Variants in REL observed in about 807,000 individuals in gnomAD.
REL encodes REL proto-oncogene, NF-kB subunit, also known as proto-oncogene c-Rel.
Under a neutral mutation model 45.9 loss-of-function variants are expected in REL, and 15 were observed. That is an observed-to-expected ratio of 0.33 (90% CI 0.22 to 0.50). REL has a LOEUF of 0.50. Ranked by LOEUF, REL falls within the 20% of genes least tolerant of loss-of-function variation. The pLI is 0.98. For synonymous variants in REL, 239 were observed against 242.1 expected, an observed-to-expected ratio of 0.99 and a Z score of 0.12; for missense variants, 601 against 715.2, an observed-to-expected ratio of 0.84 and a Z score of 1.82.
At chr2:60,919,250 T>C (rs987995835) in intron 7 of REL, among the ~76,000 whole-genome samples, 1 of 152,128 alleles carries the variant, frequency 6.6e-6, no homozygotes, top group Non-Finnish European at 1.5e-5. Context: ...TTGGGTTTTT[T>C]TTGAGACAGG....
At position 60,922,495 on chromosome 2, in the gene REL, A is replaced by C. The variant is rs1286376825; in HGVS notation, c.1724A>C (p.Gln575Pro). Reference protein sequence around the residue: ...YSGIGSMQNEQLSDSFPYEFF... With the variant: ...YSGIGSMQNEPLSDSFPYEFF... ...GGTATTGGCAGTATGCAAAATGAGC[A>C]ATTGAGTGACTCCTTTCCATATGAA... Residue 575 changes from glutamine to proline, a missense_variant, in exon 10 of 10, where the codon CAA (glutamine) becomes CCA (proline). Physicochemically the swap from Gln to Pro is moderately conservative, Grantham distance 76. Transcript: ENST00000394479. 6.2e-7 allele frequency: 1 copy of C among 1,610,578 alleles called. No individual in the cohort carries two copies.
chr2:60,895,683 G>A (rs759101936), intron 3 of REL, among the ~76,000 whole-genome samples: 3 of 152,208 alleles, frequency 2.0e-5, no homozygotes, highest in Non-Finnish European at 2.9e-5. Context: ...TAATAAAGAC[G>A]TCTGGTAGGC....
chr2:60,891,282 G>A (rs1431968383), intron 1 of REL, among the ~76,000 whole-genome samples: 3 of 152,114 alleles, frequency 2.0e-5, no homozygotes, highest in Non-Finnish European at 2.9e-5. Flanking sequence ...CTCACTTTAG[G>A]AGTGTGATAT....
chr2:60,924,726 C>T lies in REL; in HGVS notation c.*2191C>T, dbSNP rs1674229004. 1 of 210,386 alleles carries T rather than the reference C, an allele frequency of 4.8e-6. No homozygotes were observed. The highest frequency in any genetic ancestry group is 9.7e-6 in the Non-Finnish European group (1 of 103,614). The allele number at this position is 210,386 out of a possible 1,614,324, so 13.0% of individuals were successfully genotyped here. A position where few individuals can be genotyped will look rare whatever the true frequency, so the allele number is the denominator to read the frequency against. Reference sequence around the variant, plus strand: ...TCCAGATTGAGTAACACTTATAACACATTTCCTTTTCAAAGTGCAAGATTT... The same window carrying T: ...TCCAGATTGAGTAACACTTATAACATATTTCCTTTTCAAAGTGCAAGATTT... On this transcript the variant is annotated 3_prime_UTR_variant, in exon 10 of 10. Coordinates refer to ENST00000394479, the MANE Select transcript of REL (RefSeq NM_001291746.2).
chr2:60,928,228 C>T lies in REL; in HGVS notation c.*5693C>T, dbSNP rs1261298690. 3.1e-5 allele frequency: 5 copies of T among 163,306 alleles called. No homozygotes were observed. Among genetic ancestry groups the T allele is most frequent in the South Asian group, 4.1e-4 (2 of 4,920 alleles). 10.1% of individuals were successfully genotyped at this position (163,306 alleles called of 1,614,324 possible). On this transcript the variant is annotated 3_prime_UTR_variant, in exon 10 of 10. Transcript: ENST00000394479. ...GCTCATGGGTAGGAAGAATCAATATCGTGAAAATGGCCATACTGCCCAAGG... is the reference window on the plus strand; with the variant it reads ...GCTCATGGGTAGGAAGAATCAATATTGTGAAAATGGCCATACTGCCCAAGG...
At chr2:60,906,113 C>T (rs976995858) in intron 4 of REL, among the ~76,000 whole-genome samples, 3 of 152,162 alleles carry the variant, frequency 2.0e-5, no homozygotes, top group African/African-American at 7.2e-5. Flanking sequence ...CCTGATAAAA[C>T]CATCATATCT....
At chr2:60,882,124 A>G (rs1281934653) in intron 1 of REL, among the ~76,000 whole-genome samples, 1 of 152,212 alleles carries the variant, frequency 6.6e-6, no homozygotes, top group Non-Finnish European at 1.5e-5. Flanking sequence ...TCATAAGCGA[A>G]CCAAAGGAGG....
chr2:60,895,582 A>G (rs1673328096), intron 3 of REL, among the ~76,000 whole-genome samples: 1 of 152,344 alleles, frequency 6.6e-6, no homozygotes, highest in East Asian at 1.9e-4. Context: ...TTAACATACA[A>G]CAATAGTTCT....
intron 4 of REL, among the ~76,000 whole-genome samples, chr2:60,912,974 C>T (rs1436073957): frequency 6.6e-6 from 1 of 151,914 alleles, no homozygotes; most frequent in Non-Finnish European, 1.5e-5. Context: ...AGTGAATCAA[C>T]ATTTTAAAAA....
At chr2:60,888,899 T>G (rs2103921218) in intron 1 of REL, among the ~76,000 whole-genome samples, 1 of 152,330 alleles carries the variant, frequency 6.6e-6, no homozygotes, top group Non-Finnish European at 1.5e-5. Flanking sequence ...CTGCCATATA[T>G]CAGAGATACC....
Position 60,881,814 on chromosome 2 carries a change from C to T in REL, c.-27C>T. The T allele has an allele frequency of 6.6e-7, 1 of 1,526,688 alleles. No individual in the cohort carries two copies. The highest frequency in any genetic ancestry group is 2.6e-5 in the East Asian group (1 of 38,034). The allele number at this position is 1,526,688 out of a possible 1,614,324, so 94.6% of individuals were successfully genotyped here. ...CTCCGGCCAGGACGCTGGGAGCTGC[C>T]TGCGGGAAGGTGCGGGGAGCGGAGC... is the stretch of plus-strand genomic sequence containing the variant. On this transcript the variant is annotated 5_prime_UTR_variant, in exon 1 of 10. Transcript: ENST00000394479.
chr2:60,896,269 A>T (rs561035324), intron 3 of REL, among the ~76,000 whole-genome samples: 1 of 152,292 alleles, frequency 6.6e-6, no homozygotes, highest in South Asian at 2.1e-4. Context: ...TCAGCCTCCC[A>T]AAGTGCTGGG....
intron 3 of REL, 64 bp downstream of exon 3, chr2:60,894,609 C>G: frequency 8.1e-7 from 1 of 1,227,644 alleles, no homozygotes; most frequent in Admixed American, 2.7e-5. Flanking sequence ...TGTTTCTTCT[C>G]CATGACAATC....
At chr2:60,901,136 TC>T in intron 4 of REL, 53 bp downstream of exon 4, 1 of 1,427,672 alleles carries the variant, frequency 7.0e-7, no homozygotes, top group Non-Finnish European at 9.2e-7. Flanking sequence ...GATTTCTGTT[TC>T]TTTTTTCTTT....
At chr2:60,906,913 A>ATATTTT (rs1311506982) in intron 4 of REL, among the ~76,000 whole-genome samples, 3 of 104,304 alleles carry the variant, frequency 2.9e-5, no homozygotes, top group Admixed American at 1.2e-4. Flanking sequence ...ATATATATAT[A>ATATTTT]TTTTTTTTTT....
rs1674345427 is a variant in REL, at chr2:60,929,681, AG to A, written c.*7152del. On this transcript the variant is annotated 3_prime_UTR_variant, in exon 10 of 10. Coordinates refer to ENST00000394479, the MANE Select transcript of REL (RefSeq NM_001291746.2). Reference sequence around the variant, plus strand: ...CTGGGGACTGTTGTGGGGTGGGGGGAGGGGGGAGGGATAGCATTGGGAGATA... The same window carrying A: ...CTGGGGACTGTTGTGGGGTGGGGGGAGGGGGAGGGATAGCATTGGGAGATA... 3.0e-5 allele frequency: 2 copies of A among 67,332 alleles called. No individual in the cohort carries two copies. The highest frequency in any genetic ancestry group is 6.1e-5 in the African/African-American group (1 of 16,398). 4.2% of individuals were successfully genotyped at this position (67,332 alleles called of 1,614,324 possible).
At position 60,922,388 on chromosome 2, in the gene REL, T is replaced by C. The variant is rs1017044900; in HGVS notation, c.1617T>C (p.Asp539=). The change falls in exon 10 of 10, where the codon GAT becomes GAC. Residue 539 remains aspartate (D), a synonymous_variant. Transcript: ENST00000394479. ...AGGGATCTGACTTCAGTTGTGCAGA[T>C]AACAGCATGATAAATGAGTCGGGAC... ...AFEGSDFSCA[D]NSMINESGPS... The C allele has an allele frequency of 6.2e-7, 1 of 1,614,128 alleles. No individual in the cohort carries two copies. Among genetic ancestry groups the C allele is most frequent in the Admixed American group, 1.7e-5 (1 of 60,022 alleles).
chr2:60,913,583 C>A (rs1042596419), intron 4 of REL, among the ~76,000 whole-genome samples: 2 of 152,180 alleles, frequency 1.3e-5, no homozygotes, highest in Non-Finnish European at 2.9e-5. Context: ...GATCCCACAT[C>A]CTTGGCAAAC....
At chr2:60,891,946 T>G in intron 2 of REL, 121 bp downstream of exon 2, 3 of 1,032,340 alleles carry the variant, frequency 2.9e-6, no homozygotes, top group Non-Finnish European at 4.1e-6. Context: ...TTTTCTTTTT[T>G]CCTTTTTTTT....
Sources: allele counts gnomAD v4.1 joint callset (sites outside exome capture counted in the v4.1 genomes callset), GRCh38; gene constraint gnomAD v4.1.1; transcripts MANE v1.5; gene names NCBI Gene and HGNC (gene_info 2026-07-23, HGNC 2026-07-21).